DOCK3: variants seen among roughly 807,000 people sequenced by gnomAD.
DOCK3 encodes the protein dedicator of cytokinesis protein 3.
DOCK3 carries 60 observed loss-of-function variants against 265.6 expected under a neutral mutation model. That is an observed-to-expected ratio of 0.23 (90% CI 0.18 to 0.28). DOCK3 has a LOEUF of 0.28. DOCK3 is among the 10% of genes least tolerant of loss of function. The pLI, the probability that DOCK3 is intolerant of heterozygous loss-of-function variation, is 1.00. For missense variants in DOCK3, 1,981 were observed against 2,594.3 expected (o/e 0.76, Z 5.14); for synonymous variants, 881 against 938.0 (o/e 0.94, Z 1.11).
intron 1 of DOCK3, among the ~76,000 whole-genome samples, chr3:50,763,944 A>G (rs892710771): frequency 6.6e-6 from 1 of 152,178 alleles, no homozygotes; most frequent in Non-Finnish European, 1.5e-5. Context: ...ATGGTCTTGA[A>G]CAAGTTTATA....
chr3:51,139,893 A>G (rs889357782), intron 9 of DOCK3, among the ~76,000 whole-genome samples: 3 of 152,210 alleles, frequency 2.0e-5, no homozygotes, highest in African/African-American at 4.8e-5. Flanking sequence ...TGAGCTTGGC[A>G]TGTTCAAGAA....
At chr3:51,128,624 A>C (rs975652072) in intron 9 of DOCK3, among the ~76,000 whole-genome samples, 2 of 152,240 alleles carry the variant, frequency 1.3e-5, no homozygotes, top group Admixed American at 1.3e-4. Context: ...AGTAAGTTCT[A>C]TTCCAGTGAG....
At chr3:50,854,591 A>ATTTTTTTTTTTTTTTTTTTTTTT (rs1559726991) in intron 3 of DOCK3, among the ~76,000 whole-genome samples, 1 of 4,320 alleles carries the variant, frequency 2.3e-4, no homozygotes, top group Admixed American at 3.1e-3. Context: ...CCATCACACC[A>ATTTTTTTTTTTTTTTTTTTTTTT]GTTTTTTTTT....
chr3:51,045,016 A>G (rs2080712653), intron 5 of DOCK3, among the ~76,000 whole-genome samples: 1 of 152,074 alleles, frequency 6.6e-6, no homozygotes, highest in Non-Finnish European at 1.5e-5. Flanking sequence ...TTTTGTGTTC[A>G]CTGGAGTAGC....
chr3:50,957,462 C>G (rs1244833602), intron 5 of DOCK3, among the ~76,000 whole-genome samples: 2 of 152,140 alleles, frequency 1.3e-5, no homozygotes, highest in African/African-American at 4.8e-5. Flanking sequence ...TTAGGACTAC[C>G]TTACTCTGAA....
chr3:51,216,488 C>T lies in DOCK3; in HGVS notation c.1252+2241C>T, dbSNP rs137932350. Among the ~76,000 whole-genome samples, 394 of 152,306 alleles carry T rather than the reference C, an allele frequency of 2.6e-3. 1 individual carries two copies. The highest frequency in any genetic ancestry group is 5.9e-3 in the Admixed American group (91 of 15,300). On this transcript the variant is annotated intron_variant, in intron 14 of 52. Coordinates refer to ENST00000266037, the MANE Select transcript of DOCK3 (RefSeq NM_004947.5). ...CAGTCCTGGCAGGCCCAGGGTGGGG[C>T]TGTGAGCCTGCCTTTGAAGTACTGA...
intron 5 of DOCK3, among the ~76,000 whole-genome samples, chr3:50,984,027 T>G (rs2077801851): frequency 6.6e-6 from 1 of 152,112 alleles, no homozygotes; most frequent in Non-Finnish European, 1.5e-5. Flanking sequence ...CAGCCTGCCG[T>G]GCTGCAGCAG....
rs570252026 is a variant in DOCK3, at chr3:50,749,767, A to G, written c.38-28908A>G. Among the ~76,000 whole-genome samples, 7 of 152,326 alleles carry G rather than the reference A, an allele frequency of 4.6e-5. No individual in the cohort carries two copies. In the South Asian group the frequency reaches 1.0e-3, roughly 23 times the overall value. The stretch of plus-strand genomic sequence containing the variant: ...TATTTACTCTCTAGTAATATGTCAG[A>G]TAAAAAGTCTTGGGCCATTTCTACA... On this transcript the variant is annotated intron_variant, in intron 1 of 52. Coordinates refer to ENST00000266037, the MANE Select transcript of DOCK3 (RefSeq NM_004947.5).
chr3:50,876,008 A>T (rs67211895), intron 3 of DOCK3, among the ~76,000 whole-genome samples: 15,074 of 152,152 alleles, frequency 0.099, 923 homozygotes, highest in Non-Finnish European at 0.13. Flanking sequence ...CCATCGTGTA[A>T]GGTTTAAATG....
chr3:50,679,410 C>T (rs1338886763), intron 1 of DOCK3, among the ~76,000 whole-genome samples: 2 of 151,998 alleles, frequency 1.3e-5, no homozygotes, highest in East Asian at 3.9e-4. Context: ...TTTATTTTTT[C>T]CTATTTAAAA....
At chr3:51,019,968 G>A (rs1009517049) in intron 5 of DOCK3, among the ~76,000 whole-genome samples, 1 of 151,870 alleles carries the variant, frequency 6.6e-6, no homozygotes, top group African/African-American at 2.4e-5. Flanking sequence ...ATAATAGAAT[G>A]ATTTCTGTTC....
At chr3:51,130,759 G>C (rs975229852) in intron 9 of DOCK3, among the ~76,000 whole-genome samples, 4 of 152,316 alleles carry the variant, frequency 2.6e-5, no homozygotes, top group African/African-American at 9.6e-5. Flanking sequence ...CCAAGCTGGA[G>C]TGCAGTGGAG....
intron 5 of DOCK3, among the ~76,000 whole-genome samples, chr3:51,033,782 G>C (rs751175941): frequency 5.9e-5 from 9 of 152,168 alleles, no homozygotes; most frequent in Non-Finnish European, 5.9e-5. Context: ...TGGGTGGTCT[G>C]TGGCTGTAGG....
At chr3:50,958,534 A>G (rs1233984623) in intron 5 of DOCK3, among the ~76,000 whole-genome samples, 1 of 152,184 alleles carries the variant, frequency 6.6e-6, no homozygotes, top group African/African-American at 2.4e-5. Flanking sequence ...TAAGCCCTAG[A>G]TAATCATTGC....
chr3:51,233,039 T>C (rs915649667), intron 19 of DOCK3, among the ~76,000 whole-genome samples: 2 of 152,194 alleles, frequency 1.3e-5, no homozygotes, highest in Non-Finnish European at 2.9e-5. Context: ...TGTAGTATAG[T>C]TTGAAATGGG....
At chr3:50,893,594 G>A (rs1230220778) in intron 4 of DOCK3, among the ~76,000 whole-genome samples, 1 of 151,950 alleles carries the variant, frequency 6.6e-6, no homozygotes, top group Non-Finnish European at 1.5e-5. Flanking sequence ...GAAAAAGAGG[G>A]AAGAAATCCT....
intron 9 of DOCK3, among the ~76,000 whole-genome samples, chr3:51,145,804 T>C (rs373788004): frequency 2.0e-5 from 3 of 152,262 alleles, no homozygotes; most frequent in South Asian, 4.1e-4. Flanking sequence ...AAGCCAATTT[T>C]TCCATAGACT....
rs1326672937 is a variant in DOCK3, at chr3:50,778,791, G to A, written c.121+33G>A. 3 of 1,463,298 alleles carry A rather than the reference G, an allele frequency of 2.1e-6. No homozygotes were observed. The Admixed American group carries it at 5.9e-5, about 29-fold the overall frequency. The allele number at this position is 1,463,298 out of a possible 1,614,324, so 90.6% of individuals were successfully genotyped here. A position where few individuals can be genotyped will look rare whatever the true frequency, so the allele number is the denominator to read the frequency against. Reference sequence around the variant, plus strand: ...TGGACCTACAAAGCACATAAATTGTGATCATTTTTGGCAGTATTATATACA... The same window carrying A: ...TGGACCTACAAAGCACATAAATTGTAATCATTTTTGGCAGTATTATATACA... On this transcript the variant is annotated intron_variant, in intron 2 of 52. Coordinates refer to ENST00000266037, the MANE Select transcript of DOCK3 (RefSeq NM_004947.5).
At chr3:51,121,374 C>T (rs1220693589) in intron 9 of DOCK3, among the ~76,000 whole-genome samples, 1 of 152,164 alleles carries the variant, frequency 6.6e-6, no homozygotes, top group Non-Finnish European at 1.5e-5. Context: ...ATTGGAAATG[C>T]AGAAATCACC....
Sources: gnomAD v4.1 joint callset for allele counts (sites outside exome capture counted in the v4.1 genomes callset) on GRCh38, gnomAD v4.1.1 for gene constraint, MANE v1.5 for transcripts, NCBI Gene and HGNC (gene_info 2026-07-23, HGNC 2026-07-21) for gene names.